LAMA2: variants seen among roughly 807,000 people sequenced by gnomAD.
The protein encoded by LAMA2 is laminin subunit alpha-2.
LAMA2 carries 269 observed loss-of-function variants against 364.8 expected under a neutral mutation model. The ratio of observed to expected loss-of-function variants is 0.74; its 90% CI spans 0.67 to 0.82. The LOEUF is 0.82. LAMA2 is among the 40% of genes least tolerant of loss of function. LAMA2 has a pLI of 0.00. For synonymous variants in LAMA2, 1,379 were observed against 1,370.6 expected, an observed-to-expected ratio of 1.01 and a Z score of -0.14; for missense variants, 3,807 against 3,873.2, an observed-to-expected ratio of 0.98 and a Z score of 0.45.
intron 22 of LAMA2, 62 bp downstream of exon 22, chr6:129,300,934 T>C: frequency 1.4e-6 from 2 of 1,439,932 alleles, no homozygotes; most frequent in South Asian, 1.1e-5. Flanking sequence ...TGTAGAGCTC[T>C]GTAATTGGGC....
rs1420769255 is a variant in LAMA2 at position 129,159,251 on chromosome 6, TC to T, written c.1206+4571del. 5.1e-6 allele frequency: 4 copies of T among 782,986 alleles called. No homozygotes were observed. The East Asian group carries it at 7.7e-5, about 15-fold the overall frequency. The allele number at this position is 782,986 out of a possible 1,614,324, so 48.5% of individuals were successfully genotyped here. A position where few individuals can be genotyped will look rare whatever the true frequency, so the allele number is the denominator to read the frequency against. On this transcript the variant is annotated intron_variant, in intron 8 of 64. Coordinates refer to ENST00000421865, the MANE Select transcript of LAMA2 (RefSeq NM_000426.4). The stretch of plus-strand genomic sequence containing the variant: ...GCAAGCACTTGACAATGACTTCAAC[TC>T]CCACTGCTTTCTTACGACTCCTCCA...
intron 1 of LAMA2, among the ~76,000 whole-genome samples, chr6:128,912,757 A>G (rs532090041): frequency 6.6e-6 from 1 of 152,334 alleles, no homozygotes; most frequent in South Asian, 2.1e-4. Context: ...CTGAATGTGG[A>G]AAGGGCTTTA....
At chr6:129,402,813 T>C (rs1369408511) in intron 39 of LAMA2, among the ~76,000 whole-genome samples, 1 of 152,240 alleles carries the variant, frequency 6.6e-6, no homozygotes, top group African/African-American at 2.4e-5. Context: ...AAATAACATA[T>C]ATGAAAATAC....
intron 3 of LAMA2, among the ~76,000 whole-genome samples, chr6:129,083,764 A>T (rs995757939): frequency 2.0e-5 from 3 of 152,218 alleles, no homozygotes; most frequent in Non-Finnish European, 4.4e-5. Context: ...TAAAAAGTAT[A>T]GCTTAGATCC....
intron 1 of LAMA2, among the ~76,000 whole-genome samples, chr6:128,947,138 TACCAA>T (rs1780530332): frequency 1.3e-5 from 2 of 152,320 alleles, no homozygotes; most frequent in African/African-American, 4.8e-5. Flanking sequence ...ATCTATCCTG[TACCAA>T]ATGGTATGCC....
At chr6:128,927,241 A>G (rs1442065532) in intron 1 of LAMA2, among the ~76,000 whole-genome samples, 1 of 152,204 alleles carries the variant, frequency 6.6e-6, no homozygotes, top group African/African-American at 2.4e-5. Context: ...TAACAAATGC[A>G]CTTAAATTGG....
At chr6:128,916,042 T>A (rs1425108143) in intron 1 of LAMA2, among the ~76,000 whole-genome samples, 1 of 152,200 alleles carries the variant, frequency 6.6e-6, no homozygotes, top group Non-Finnish European at 1.5e-5. Flanking sequence ...TAATGCCTAA[T>A]TATTTACATG....
chr6:128,887,971 A>G lies in LAMA2; in HGVS notation c.112+4614A>G, dbSNP rs1466569837. ...TTATTTAGCATCTAGAAACCATGTG[A>G]AAAAGATCAGGAAGAAATTATTGTA... On this transcript the variant is annotated intron_variant, in intron 1 of 64. Transcript: ENST00000421865. 2.0e-5 allele frequency among the ~76,000 whole-genome samples: 3 copies of G among 152,218 alleles called. No homozygotes were observed. In the East Asian group the frequency reaches 5.8e-4, roughly 29 times the overall value.
intron 17 of LAMA2, among the ~76,000 whole-genome samples, chr6:129,271,934 CTT>C (rs1444450469): frequency 6.6e-6 from 1 of 152,094 alleles, no homozygotes; most frequent in East Asian, 1.9e-4. Flanking sequence ...AAGCTAAAGA[CTT>C]TGAGATAATT....
chr6:129,191,965 C>A (rs531499198), intron 11 of LAMA2, among the ~76,000 whole-genome samples: 1 of 152,316 alleles, frequency 6.6e-6, no homozygotes, highest in South Asian at 2.1e-4. Flanking sequence ...AAAAACAAAT[C>A]ATTATGCATT....
chr6:129,225,364 G>A (rs1021880889), intron 12 of LAMA2, among the ~76,000 whole-genome samples: 16 of 151,994 alleles, frequency 1.1e-4, no homozygotes, highest in African/African-American at 3.6e-4. Flanking sequence ...GTTATTTCTT[G>A]CCTTCTGCTA....
intron 4 of LAMA2, among the ~76,000 whole-genome samples, chr6:129,099,182 T>C (rs965594270): frequency 7.0e-6 from 1 of 142,552 alleles, no homozygotes; most frequent in Non-Finnish European, 1.5e-5. Context: ...GTTACTTAAA[T>C]TCTCTGCACC....
At chr6:129,491,233 C>T (rs1784846647) in intron 56 of LAMA2, among the ~76,000 whole-genome samples, 1 of 152,154 alleles carries the variant, frequency 6.6e-6, no homozygotes, top group Admixed American at 6.5e-5. Context: ...CTCTTTGTCT[C>T]CTTCTGATTC....
At chr6:129,060,570 C>T (rs1337868693) in intron 3 of LAMA2, among the ~76,000 whole-genome samples, 1 of 152,170 alleles carries the variant, frequency 6.6e-6, no homozygotes, top group Non-Finnish European at 1.5e-5. Flanking sequence ...GGAAAGTGGA[C>T]AAATGCCACA....
In LAMA2 at chr6:129,158,854, A is replaced by C. The variant is rs76994112; in HGVS notation, c.1206+4171A>C. On this transcript the variant is annotated intron_variant, in intron 8 of 64. Transcript: ENST00000421865. ...AAGCTAATGTGGTTTCTCCCTGGTC[A>C]TCTTCTTCTATGATGGCAAAGCAAC... The C allele has an allele frequency of 1.9e-3, 3,039 of 1,613,948 alleles. 69 individuals are homozygous for C. The East Asian group carries it at 0.054, about 29-fold the overall frequency.
intron 1 of LAMA2, among the ~76,000 whole-genome samples, chr6:128,907,660 TC>T (rs1248025987): frequency 1.1e-4 from 17 of 152,240 alleles, no homozygotes; most frequent in African/African-American, 3.9e-4. Context: ...GGCCAGAACT[TC>T]CAACACTATA....
At chr6:128,889,181 G>A (rs1776308219) in intron 1 of LAMA2, among the ~76,000 whole-genome samples, 2 of 152,132 alleles carry the variant, frequency 1.3e-5, no homozygotes, top group African/African-American at 4.8e-5. Context: ...ATTTTAAATA[G>A]TATGCACTTT....
At chr6:129,515,777 A>G (rs777764102) in intron 64 of LAMA2, among the ~76,000 whole-genome samples, 1 of 152,190 alleles carries the variant, frequency 6.6e-6, no homozygotes, top group Non-Finnish European at 1.5e-5. Context: ...TTCATATGTT[A>G]TAACTATTAA....
intron 4 of LAMA2, among the ~76,000 whole-genome samples, chr6:129,140,504 A>G (rs1459964965): frequency 6.6e-6 from 1 of 152,042 alleles, no homozygotes; most frequent in African/African-American, 2.4e-5. Flanking sequence ...TGTAATAGAA[A>G]CCACTTTGGA....
Sources: allele counts gnomAD v4.1 joint callset (sites outside exome capture counted in the v4.1 genomes callset), GRCh38; gene constraint gnomAD v4.1.1; transcripts MANE v1.5; gene names NCBI Gene and HGNC (gene_info 2026-07-23, HGNC 2026-07-21).